Variants in NDC80 observed in about 807,000 individuals in gnomAD.
NDC80 encodes the protein kinetochore protein NDC80 homolog.
In NDC80, 69 loss-of-function variants were observed where a neutral mutation model predicts 89.3. That is an observed-to-expected ratio of 0.77 (90% CI 0.64 to 0.94). The LOEUF is 0.94. NDC80 is among the 40% of genes least tolerant of loss of function. The probability of loss-of-function intolerance (pLI) is 0.00; values close to 1 mark genes in which losing one functional copy is unlikely to be tolerated. For synonymous variants in NDC80, 243 were observed against 255.6 expected (o/e 0.95, Z 0.47); for missense variants, 593 against 739.6 (o/e 0.80, Z 2.30).
intron 6 of NDC80, among the ~76,000 whole-genome samples, chr18:2,583,179 C>T (rs2072586850): frequency 6.6e-6 from 1 of 152,220 alleles, no homozygotes; most frequent in Non-Finnish European, 1.5e-5. Flanking sequence ...GAAACTATTT[C>T]AACCAGTCTT....
At chr18:2,613,515 T>G (rs1354900322) in intron 16 of NDC80, among the ~76,000 whole-genome samples, 1 of 152,204 alleles carries the variant, frequency 6.6e-6, no homozygotes, top group Non-Finnish European at 1.5e-5. Flanking sequence ...AGGCAGTATT[T>G]CAGAATAGTT....
chr18:2,588,425 T>A (rs74770234), intron 8 of NDC80, among the ~76,000 whole-genome samples: 2 of 152,108 alleles, frequency 1.3e-5, no homozygotes, highest in Non-Finnish European at 2.9e-5. Context: ...TTTTTTTTTT[T>A]ACTCATTTAC....
At chr18:2,607,998 T>TATAA (rs771183596) in intron 14 of NDC80, among the ~76,000 whole-genome samples, 3,164 of 126,628 alleles carry the variant, frequency 0.025, 78 homozygotes, top group South Asian at 0.04. Context: ...TATATATATA[T>TATAA]AACTTATTTA....
In NDC80 at chr18:2,577,872, A is replaced by G. The variant is rs2072555397; in HGVS notation, c.303+3A>G. The G allele has an allele frequency of 6.2e-7, 1 of 1,613,310 alleles. No individual in the cohort carries two copies. The highest frequency in any genetic ancestry group is 8.5e-7 in the Non-Finnish European group (1 of 1,179,670). ...AGTGTATTCGACAACTCTGTGAGGT[A>G]CTTTAGGATTTTAATCTAAACTGTG... is the stretch of plus-strand genomic sequence containing the variant. On this transcript the variant is annotated splice_donor_region_variant and intron_variant, in intron 4 of 16. Coordinates refer to ENST00000261597, the MANE Select transcript of NDC80 (RefSeq NM_006101.3).
chr18:2,608,614 G>C (rs1311279988), intron 14 of NDC80, 86 bp from the exon 15 acceptor site: 2 of 1,364,168 alleles, frequency 1.5e-6, no homozygotes, highest in African/African-American at 1.4e-5. Flanking sequence ...TTTTATTTAA[G>C]TGCTTTTTAT....
At chr18:2,593,706 G>T in intron 10 of NDC80, 1 of 195,242 alleles carries the variant, frequency 5.1e-6, no homozygotes. Context: ...TCTGTATCCT[G>T]ATTCTTATTT....
At chr18:2,610,090 A>G (rs537311791) in intron 15 of NDC80, among the ~76,000 whole-genome samples, 2 of 152,338 alleles carry the variant, frequency 1.3e-5, no homozygotes, top group East Asian at 1.9e-4. Flanking sequence ...GCCACACTAT[A>G]TAATAACTAC....
intron 6 of NDC80, among the ~76,000 whole-genome samples, chr18:2,584,053 C>T (rs2072591579): frequency 6.6e-6 from 1 of 151,978 alleles, no homozygotes; most frequent in South Asian, 2.1e-4. Context: ...TTTGGGAGGC[C>T]AAGGCGGGTG....
chr18:2,614,888 T>C (rs1456616096), intron 16 of NDC80: 10 of 152,276 alleles, frequency 6.6e-5, no homozygotes, highest in African/African-American at 2.4e-4. Context: ...GATGAGGTCA[T>C]GTTGGATTAG....
intron 1 of NDC80, among the ~76,000 whole-genome samples, chr18:2,572,199 A>G (rs979220950): frequency 2.4e-4 from 37 of 152,364 alleles, no homozygotes; most frequent in African/African-American, 8.7e-4. Flanking sequence ...TAATCAGTGT[A>G]AAAGACTAAG....
intron 11 of NDC80, 105 bp from the exon 12 acceptor site, chr18:2,598,914 A>G (rs1466200577): frequency 1.8e-6 from 2 of 1,140,342 alleles, no homozygotes; most frequent in East Asian, 2.6e-5. Context: ...GTAAACTACT[A>G]AAAATAGGTG....
intron 5 of NDC80, among the ~76,000 whole-genome samples, 159 bp downstream of exon 5, chr18:2,578,300 G>A (rs2072558278): frequency 1.3e-5 from 2 of 152,076 alleles, no homozygotes; most frequent in South Asian, 4.1e-4. Flanking sequence ...AAAAGCAACT[G>A]CTTACAAAAA....
In NDC80 at chr18:2,608,827, G is replaced by A. The variant is rs775421948; in HGVS notation, c.1685G>A (p.Arg562Gln). 2.3e-5 allele frequency: 37 copies of A among 1,602,228 alleles called. 1 individual carries two copies. The highest frequency in any genetic ancestry group is 2.0e-4 in the East Asian group (9 of 44,650). ...EAMNELDAVQ[R>Q]EYQLVVQTTT... Reference sequence around the variant, plus strand: ...ATGAATGAATTAGATGCTGTTCAGCGGGAGTAAGTTTATCTCACCAAGATT... The same window carrying A: ...ATGAATGAATTAGATGCTGTTCAGCAGGAGTAAGTTTATCTCACCAAGATT... Residue 562 changes from arginine (R) to glutamine (Q), a missense_variant, in exon 15 of 17, where the codon CGG becomes CAG. Physicochemically the swap from Arg to Gln is conservative, Grantham distance 43 (BLOSUM62 1). Transcript: ENST00000261597.
At chr18:2,597,090 G>A (rs2072660758) in intron 11 of NDC80, among the ~76,000 whole-genome samples, 1 of 152,040 alleles carries the variant, frequency 6.6e-6, no homozygotes, top group African/African-American at 2.4e-5. Flanking sequence ...ATGAGTTAAT[G>A]GGTGCAGCAC....
At chr18:2,576,335 T>A (rs2072546441) in intron 3 of NDC80, among the ~76,000 whole-genome samples, 1 of 152,214 alleles carries the variant, frequency 6.6e-6, no homozygotes, top group Non-Finnish European at 1.5e-5. Context: ...AAACATATTT[T>A]CAAAAATAAA....
Position 2,593,218 on chromosome 18 carries a change from C to A in NDC80, c.1016-2198C>A, listed in dbSNP as rs541195136. 4.7e-4 allele frequency among the ~76,000 whole-genome samples: 71 copies of A among 152,018 alleles called. No homozygotes were observed. The Middle Eastern group carries it at 0.01, about 22-fold the overall frequency. The stretch of plus-strand genomic sequence containing the variant: ...CACAGATGTGTGCCACCACGCCTGG[C>A]TAATTTTGTATTTTTAGTAGAGACA... On this transcript the variant is annotated intron_variant, in intron 10 of 16. Coordinates refer to ENST00000261597, the MANE Select transcript of NDC80 (RefSeq NM_006101.3).
In NDC80 at chr18:2,606,743, CCTTTATCT is replaced by C. The variant is rs753153541; in HGVS notation, c.1557+237_1557+244del. Among the ~76,000 whole-genome samples, 388 of 152,100 alleles carry C rather than the reference CCTTTATCT, an allele frequency of 2.6e-3. 1 individual carries two copies. Among genetic ancestry groups the C allele is most frequent in the Non-Finnish European group, 4.2e-3 (282 of 67,920 alleles). ...CCATAGAAAAGGAACATTTACTTTT[CCTTTATCT>C]GGTATTTTATACTTGCATATGACTC... On this transcript the variant is annotated intron_variant, in intron 14 of 16. Transcript: ENST00000261597.
Position 2,595,451 on chromosome 18 carries a change from C to G in NDC80, c.1051C>G (p.Arg351Gly). The change falls in exon 11 of 17, where the codon CGA becomes GGA. Residue 351 changes from arginine (R) to glycine (G), a missense_variant. By Grantham distance (125) the Arg-to-Gly change is moderately radical. Coordinates refer to ENST00000261597, the MANE Select transcript of NDC80 (RefSeq NM_006101.3). ...ECETIKQENT[R>G]LQNIIDNQKY... ...TGAAACAATAAAACAGGAGAACACT[C>G]GACTACAGAATATCATTGACAACCA... 6.2e-7 allele frequency: 1 copy of G among 1,613,648 alleles called. No homozygotes were observed. The highest frequency in any genetic ancestry group is 8.5e-7 in the Non-Finnish European group (1 of 1,179,800).
chr18:2,588,022 T>C (rs2072610583), intron 8 of NDC80, 99 bp downstream of exon 8: 1 of 860,010 alleles, frequency 1.2e-6, no homozygotes, highest in Non-Finnish European at 1.8e-6. Flanking sequence ...ATGAGCTACT[T>C]ACTTTAAATG....
Sources: gnomAD v4.1 joint callset for allele counts (sites outside exome capture counted in the v4.1 genomes callset) on GRCh38, gnomAD v4.1.1 for gene constraint, MANE v1.5 for transcripts, NCBI Gene and HGNC (gene_info 2026-07-23, HGNC 2026-07-21) for gene names.